The following SUPT3H variants were observed in gnomAD, a reference collection of about 807,000 sequenced individuals.
SUPT3H encodes transcription initiation protein SPT3 homolog.
SUPT3H carries 44 observed loss-of-function variants against 44.3 expected under a neutral mutation model. The ratio of observed to expected loss-of-function variants is 0.99; its 90% CI spans 0.78 to 1.28. The LOEUF is 1.28. SUPT3H is among the 50% of genes most tolerant of loss of function. The probability of loss-of-function intolerance (pLI) is 0.00; values close to 1 mark genes in which losing one functional copy is unlikely to be tolerated. For missense variants in SUPT3H, 380 were observed against 387.1 expected (o/e 0.98, Z 0.15); for synonymous variants, 124 against 125.6 (o/e 0.99, Z 0.09).
chr6:45,248,192 C>T (rs574792580), intron 2 of SUPT3H, among the ~76,000 whole-genome samples: 7 of 151,938 alleles, frequency 4.6e-5, no homozygotes, highest in African/African-American at 1.7e-4. Flanking sequence ...TACAGAGTTC[C>T]TAGATATAAT....
At chr6:45,190,154 AATATGCATTGCAACTCTCCAAGTGATAAT>A (rs1814890002) in intron 2 of SUPT3H, among the ~76,000 whole-genome samples, 1 of 152,204 alleles carries the variant, frequency 6.6e-6, no homozygotes, top group Non-Finnish European at 1.5e-5. Context: ...TTAAAGCTTT[AATATGCATTGCAACTCTCCAAGTGATAAT>A]ATATAGCATG....
chr6:44,824,276 G>A (rs1767579101), downstream of SUPT3H, among the ~76,000 whole-genome samples: 1 of 152,222 alleles, frequency 6.6e-6, no homozygotes, highest in African/African-American at 2.4e-5. Context: ...TGACTGGTAT[G>A]TTTAGGTCAG....
At chr6:44,961,693 G>A (rs1776046322) in intron 7 of SUPT3H, 60 bp downstream of exon 7, 6 of 1,304,022 alleles carry the variant, frequency 4.6e-6, no homozygotes, top group Non-Finnish European at 6.6e-6. Context: ...TCATACTTTA[G>A]TACATCTATA....
intron 10 of SUPT3H, among the ~76,000 whole-genome samples, chr6:44,890,070 C>T (rs1361963583): frequency 4.0e-5 from 6 of 151,576 alleles, no homozygotes; most frequent in African/African-American, 4.8e-5. Flanking sequence ...TACCATCTCA[C>T]ACCAGTTAGA....
chr6:45,025,936 C>G lies in SUPT3H; in HGVS notation c.187-5304G>C, dbSNP rs116437648. Among the ~76,000 whole-genome samples, 543 of 151,308 alleles carry G rather than the reference C, an allele frequency of 3.6e-3. 6 individuals carry two copies. Among genetic ancestry groups the G allele is most frequent in the African/African-American group, 0.012 (502 of 41,288 alleles). ...AATTAAGTTGATTATTCCACAATTA[C>G]TAAGCTACTGAAAGTATTTTAATGA... On this transcript the variant is annotated intron_variant, in intron 3 of 10. Coordinates refer to ENST00000371459, the MANE Select transcript of SUPT3H (RefSeq NM_003599.4).
At chr6:45,161,660 GTA>G (rs1808997141) in intron 2 of SUPT3H, among the ~76,000 whole-genome samples, 2 of 152,040 alleles carry the variant, frequency 1.3e-5, no homozygotes, top group South Asian at 4.1e-4. Flanking sequence ...CCTCCATACC[GTA>G]AAGCTGCTGA....
intron 2 of SUPT3H, among the ~76,000 whole-genome samples, chr6:45,152,681 G>A (rs144975934): frequency 3.9e-5 from 6 of 152,018 alleles, no homozygotes; most frequent in African/African-American, 9.6e-5. Flanking sequence ...TCGGAGAGAC[G>A]GGTTTTCACC....
chr6:45,306,518 AG>A (rs1783042665), intron 2 of SUPT3H, among the ~76,000 whole-genome samples: 1 of 152,200 alleles, frequency 6.6e-6, no homozygotes, highest in African/African-American at 2.4e-5. Flanking sequence ...CATAAGGTGA[AG>A]GTCTTTCCAT....
chr6:44,882,039 A>C (rs1370140451), intron 10 of SUPT3H, among the ~76,000 whole-genome samples: 1 of 152,194 alleles, frequency 6.6e-6, no homozygotes, highest in Non-Finnish European at 1.5e-5. Flanking sequence ...CTAAGATCAG[A>C]GCAGAAGTGA....
intron 3 of SUPT3H, among the ~76,000 whole-genome samples, chr6:45,040,776 C>A (rs893447669): frequency 6.6e-6 from 1 of 152,066 alleles, no homozygotes; most frequent in Non-Finnish European, 1.5e-5. Flanking sequence ...GAGGTTGATA[C>A]GGAAATTCAG....
intron 9 of SUPT3H, among the ~76,000 whole-genome samples, chr6:44,947,141 T>C (rs146440292): frequency 1.4e-3 from 217 of 152,330 alleles, no homozygotes; most frequent in African/African-American, 4.0e-3. Flanking sequence ...CATAATGCCA[T>C]TGCAGACTTA....
At chr6:45,121,637 A>G (rs937487684) in intron 2 of SUPT3H, among the ~76,000 whole-genome samples, 1 of 151,970 alleles carries the variant, frequency 6.6e-6, no homozygotes, top group Non-Finnish European at 1.5e-5. Context: ...AAACTCACAT[A>G]ACTCATTTCT....
chr6:44,886,848 T>C (rs1248875681), intron 10 of SUPT3H, among the ~76,000 whole-genome samples: 1 of 152,096 alleles, frequency 6.6e-6, no homozygotes, highest in South Asian at 2.1e-4. Flanking sequence ...TCAAGACCCA[T>C]CAGTGTGCTA....
At chr6:45,234,725 C>T (rs570589006) in intron 2 of SUPT3H, among the ~76,000 whole-genome samples, 195 of 152,150 alleles carry the variant, frequency 1.3e-3, no homozygotes, top group African/African-American at 4.3e-3. Context: ...CACTTAAAAA[C>T]TTTGAAAATG....
At chr6:45,322,121 T>A (rs538757065) in intron 2 of SUPT3H, among the ~76,000 whole-genome samples, 1 of 152,148 alleles carries the variant, frequency 6.6e-6, no homozygotes, top group South Asian at 2.1e-4. Flanking sequence ...TGATCTCTAC[T>A]GGTCACTAAA....
chr6:44,874,840 A>C (rs1242830940), intron 10 of SUPT3H, among the ~76,000 whole-genome samples: 4 of 144,944 alleles, frequency 2.8e-5, no homozygotes, highest in African/African-American at 7.9e-5. Context: ...AATCACAAGC[A>C]TTCTTATACA....
At position 45,328,701 on chromosome 6, in the gene SUPT3H, T is replaced by C. The variant is rs766348640; in HGVS notation, c.101+36500A>G. 8 of 1,611,854 alleles carry C rather than the reference T, an allele frequency of 5.0e-6. No individual in the cohort carries two copies. In the South Asian group the frequency reaches 7.7e-5, roughly 15 times the overall value. ...AGTATTTACAACAGAGGGTACAAGT[T>C]CTATCTGAAAAAAAAAGGAGGGACT... On this transcript the variant is annotated intron_variant, in intron 2 of 10. Coordinates refer to ENST00000371459, the MANE Select transcript of SUPT3H (RefSeq NM_003599.4).
chr6:45,335,694 A>C (rs1390087571), intron 2 of SUPT3H, among the ~76,000 whole-genome samples: 1 of 151,312 alleles, frequency 6.6e-6, no homozygotes, highest in Non-Finnish European at 1.5e-5. Flanking sequence ...AGCATTTCAT[A>C]CTAAGAACCT....
chr6:45,312,532 C>T (rs1277573624), intron 2 of SUPT3H, among the ~76,000 whole-genome samples: 1 of 139,646 alleles, frequency 7.2e-6, no homozygotes, highest in Non-Finnish European at 1.6e-5. Context: ...AAAAAAAAGA[C>T]AAAAAGGGAC....
Sources: allele counts gnomAD v4.1 joint callset (sites outside exome capture counted in the v4.1 genomes callset), GRCh38; gene constraint gnomAD v4.1.1; transcripts MANE v1.5; gene names NCBI Gene and HGNC (gene_info 2026-07-23, HGNC 2026-07-21).